The following ERBB4 variants were observed in gnomAD, a reference collection of about 807,000 sequenced individuals.
ERBB4 encodes receptor tyrosine-protein kinase erbB-4.
Under a neutral mutation model 158.0 loss-of-function variants are expected in ERBB4, and 42 were observed. That is an observed-to-expected ratio of 0.27 (90% CI 0.21 to 0.34). The LOEUF is 0.34. Among genes scored for constraint, ERBB4 ranks in the 10% least tolerant of loss-of-function variants. ERBB4 has a pLI of 1.00. For missense variants in ERBB4, 1,333 were observed against 1,624.1 expected, an observed-to-expected ratio of 0.82 and a Z score of 3.08; for synonymous variants, 583 against 558.7, an observed-to-expected ratio of 1.04 and a Z score of -0.61.
At chr2:212,317,121 C>T (rs2087321363) in intron 1 of ERBB4, among the ~76,000 whole-genome samples, 1 of 151,368 alleles carries the variant, frequency 6.6e-6, no homozygotes, top group African/African-American at 2.4e-5. Flanking sequence ...CACAATGTCC[C>T]AATAAAGTAT....
chr2:211,450,987 G>A (rs1216683239), intron 20 of ERBB4, among the ~76,000 whole-genome samples: 1 of 152,212 alleles, frequency 6.6e-6, no homozygotes, highest in African/African-American at 2.4e-5. Flanking sequence ...AAAGGAATAA[G>A]TGCATGAACA....
At chr2:211,913,790 T>A (rs1046601279) in intron 3 of ERBB4, among the ~76,000 whole-genome samples, 2 of 151,746 alleles carry the variant, frequency 1.3e-5, no homozygotes, top group African/African-American at 4.8e-5. Context: ...ATGATTTCTA[T>A]TGACTATGAG....
intron 3 of ERBB4, among the ~76,000 whole-genome samples, chr2:211,889,154 A>ACAGCTTTGTCAAGG (rs2078893385): frequency 7.0e-6 from 1 of 143,350 alleles, no homozygotes; most frequent in African/African-American, 2.8e-5. Context: ...TCCCTGTCTG[A>ACAGCTTTGTCAAGG]CAGCTTTGAA....
chr2:212,082,454 A>G (rs1165603769), intron 2 of ERBB4, among the ~76,000 whole-genome samples: 1 of 152,104 alleles, frequency 6.6e-6, no homozygotes, highest in South Asian at 2.1e-4. Context: ...TGACTATAAA[A>G]TAATGTTTTA....
At chr2:211,575,176 G>T (rs1006775696) in intron 19 of ERBB4, among the ~76,000 whole-genome samples, 1 of 152,130 alleles carries the variant, frequency 6.6e-6, no homozygotes, top group Non-Finnish European at 1.5e-5. Flanking sequence ...TGTCAGTTAG[G>T]TAACTAGGTA....
At chr2:211,739,410 T>C (rs749768992) in intron 5 of ERBB4, among the ~76,000 whole-genome samples, 3 of 152,214 alleles carry the variant, frequency 2.0e-5, no homozygotes, top group Non-Finnish European at 4.4e-5. Context: ...AACATTTTAA[T>C]ACTTGATAGG....
intron 1 of ERBB4, among the ~76,000 whole-genome samples, chr2:212,136,033 C>G (rs2080260547): frequency 6.6e-6 from 1 of 152,174 alleles, no homozygotes; most frequent in South Asian, 2.1e-4. Context: ...GATTATCATG[C>G]CTTCAACCAT....
chr2:211,764,434 C>T (rs2075498505), intron 4 of ERBB4, among the ~76,000 whole-genome samples: 1 of 152,128 alleles, frequency 6.6e-6, no homozygotes, highest in African/African-American at 2.4e-5. Context: ...ATCCTTTAAT[C>T]ACAATGAAAG....
At chr2:211,624,762 C>T (rs1295845628) in intron 17 of ERBB4, among the ~76,000 whole-genome samples, 1 of 152,106 alleles carries the variant, frequency 6.6e-6, no homozygotes, top group African/African-American at 2.4e-5. Context: ...AAAATCAAGT[C>T]TTGAGATGTC....
chr2:211,669,049 C>T (rs573651069), intron 14 of ERBB4, among the ~76,000 whole-genome samples: 2 of 151,262 alleles, frequency 1.3e-5, no homozygotes, highest in African/African-American at 2.4e-5. Context: ...ATGGTGAAAC[C>T]CCATCTCTAC....
rs2106045100 is a variant in ERBB4 at position 211,704,122 on chromosome 2, C to G, written c.1271G>C (p.Gly424Ala). The change falls in exon 11 of 28, where the codon GGT becomes GCT. Residue 424 changes from glycine to alanine, a missense_variant. Gly to Ala is a moderately conservative substitution (Grantham distance 60). This residue lies in a region of ERBB4 where 438 missense variants were observed against 586.9 expected (regional missense o/e 0.75). Transcript: ENST00000342788. ...FSVFSNLVTI[G>A]GRVLYSGLSL... ...CACTTACCTATAGAGTACTCTTCCA[C>G]CAATGGTCACCAGGTTAGAAAAAAC... is the stretch of plus-strand genomic sequence containing the variant. 6.2e-7 allele frequency: 1 copy of G among 1,607,860 alleles called. No homozygotes were observed. The highest frequency in any genetic ancestry group is 8.5e-7 in the Non-Finnish European group (1 of 1,174,344).
chr2:211,976,300 T>TA (rs1250032815), intron 2 of ERBB4, among the ~76,000 whole-genome samples: 1 of 152,188 alleles, frequency 6.6e-6, no homozygotes, highest in Admixed American at 6.5e-5. Flanking sequence ...ACTTAATTGT[T>TA]CAGTGATAAA....
chr2:212,018,676 A>T (rs1326651093), intron 2 of ERBB4, among the ~76,000 whole-genome samples: 1 of 152,170 alleles, frequency 6.6e-6, no homozygotes, highest in Non-Finnish European at 1.5e-5. Flanking sequence ...AACACATTAG[A>T]CAAGACTAAA....
At chr2:211,514,752 G>C (rs1372020467) in intron 20 of ERBB4, among the ~76,000 whole-genome samples, 1 of 152,114 alleles carries the variant, frequency 6.6e-6, no homozygotes, top group East Asian at 1.9e-4. Context: ...TCAGATTTCA[G>C]GTTTCCTGGG....
At chr2:211,387,290 C>A in intron 26 of ERBB4, 140 bp from the exon 27 acceptor site, 1 of 733,962 alleles carries the variant, frequency 1.4e-6, no homozygotes. Context: ...CCCCTAGTGG[C>A]TAATGGAGTT....
chr2:212,520,975 C>A (rs1452551958), intron 1 of ERBB4, among the ~76,000 whole-genome samples: 1 of 151,872 alleles, frequency 6.6e-6, no homozygotes, highest in Admixed American at 6.6e-5. Flanking sequence ...ACTTAATAAT[C>A]ACAACAATTT....
intron 2 of ERBB4, among the ~76,000 whole-genome samples, chr2:212,111,448 C>G (rs2079402740): frequency 6.6e-6 from 1 of 152,190 alleles, no homozygotes; most frequent in South Asian, 2.1e-4. Flanking sequence ...ACAATTTGGT[C>G]TTCCGTTTTC....
At chr2:211,566,372 C>CCCAACAAGTTGGAA (rs2067548697) in intron 19 of ERBB4, among the ~76,000 whole-genome samples, 1 of 152,144 alleles carries the variant, frequency 6.6e-6, no homozygotes, top group African/African-American at 2.4e-5. Context: ...AAATAGGAGA[C>CCCAACAAGTTGGAA]ACCCAACAAG....
intron 3 of ERBB4, among the ~76,000 whole-genome samples, chr2:211,860,103 G>A (rs924637545): frequency 3.9e-5 from 6 of 152,040 alleles, no homozygotes; most frequent in African/African-American, 1.2e-4. Context: ...TTTAATTCTG[G>A]AAGTCTATGT....
Sources: gnomAD v4.1 joint callset for allele counts (sites outside exome capture counted in the v4.1 genomes callset) on GRCh38, gnomAD v4.1.1 for gene constraint, gnomAD v4.1.1 regional missense constraint, MANE v1.5 for transcripts, NCBI Gene and HGNC (gene_info 2026-07-23, HGNC 2026-07-21) for gene names.